Variants in AIG1 observed in about 807,000 individuals in gnomAD.
The protein encoded by AIG1 is androgen-induced gene 1 protein.
A neutral mutation model predicts 31.4 loss-of-function variants in AIG1; 23 were observed. That is an observed-to-expected ratio of 0.73 (90% CI 0.53 to 1.04). The LOEUF (loss-of-function observed/expected upper bound fraction) is 1.04, where lower values mean the gene tolerates loss of function less well. Ranked by LOEUF, AIG1 falls within the 50% of genes least tolerant of loss-of-function variation. AIG1 has a pLI of 0.00. For missense variants in AIG1, 274 were observed against 295.0 expected (o/e 0.93, Z 0.52); for synonymous variants, 100 against 110.5 (o/e 0.90, Z 0.60).
At chr6:143,099,404 C>T (rs530134716) in intron 1 of AIG1, 2 of 152,248 alleles carry the variant, frequency 1.3e-5, no homozygotes, top group South Asian at 2.1e-4. Flanking sequence ...AAAAGTTAAC[C>T]GTGGAATAAA....
intron 1 of AIG1, among the ~76,000 whole-genome samples, chr6:143,122,239 GT>G (rs1360060422): frequency 6.6e-6 from 1 of 152,044 alleles, no homozygotes; most frequent in Non-Finnish European, 1.5e-5. Flanking sequence ...TTTTGGATTT[GT>G]TTTCTTTCTT....
At position 143,340,349 on chromosome 6, in the gene AIG1, A is replaced by G. The variant is rs989695547; in HGVS notation, c.*673A>G. The G allele has an allele frequency of 2.0e-5, 3 of 152,230 alleles. No individual in the cohort carries two copies. The highest frequency in any genetic ancestry group is 7.2e-5 in the African/African-American group (3 of 41,460). 9.4% of individuals were successfully genotyped at this position (152,230 alleles called of 1,614,324 possible). ...ATCTCAAAATCCTAACAGCATTAGT[A>G]TCTCCTTTTCATTTTTATTACCTGT... On this transcript the variant is annotated 3_prime_UTR_variant, in exon 6 of 6. Coordinates refer to ENST00000357847, the MANE Select transcript of AIG1 (RefSeq NM_016108.4).
At chr6:143,060,328 T>A (rs551039413), upstream of AIG1, among the ~76,000 whole-genome samples, 3 of 151,966 alleles carry the variant, frequency 2.0e-5, no homozygotes, top group South Asian at 6.2e-4. Context: ...TGTGCTCGGG[T>A]TTACACCCCA....
intron 3 of AIG1, among the ~76,000 whole-genome samples, chr6:143,196,853 A>C (rs1057135971): frequency 3.3e-5 from 5 of 151,988 alleles, no homozygotes; most frequent in Non-Finnish European, 7.4e-5. Flanking sequence ...AGAAAAAAAA[A>C]CTCTTCAGGA....
rs1459971958 is a variant in AIG1 at position 143,258,452 on chromosome 6, C to T, written c.400-25658C>T. On this transcript the variant is annotated intron_variant, in intron 3 of 5. Transcript: ENST00000357847. This position sits in a 1 kb window ranked among gnomAD's most constrained non-coding sequence, Gnocchi z 4.7. ...TAGCCACTGCTAACACTAAAGAGAG[C>T]AATATCTTCCATTCTTACCCATATC... 6.6e-6 allele frequency among the ~76,000 whole-genome samples: 1 copy of T among 152,196 alleles called. No individual in the cohort carries two copies. The highest frequency in any genetic ancestry group is 2.4e-5 in the African/African-American group (1 of 41,464).
intron 1 of AIG1, among the ~76,000 whole-genome samples, chr6:143,130,488 G>T (rs1034752215): frequency 1.3e-5 from 2 of 151,794 alleles, no homozygotes; most frequent in African/African-American, 4.8e-5. Context: ...AGGCTGAGGC[G>T]GGTAGATCAC....
chr6:143,261,224 C>T (rs994170069), intron 3 of AIG1, among the ~76,000 whole-genome samples: 3 of 152,262 alleles, frequency 2.0e-5, no homozygotes, highest in Non-Finnish European at 4.4e-5. Context: ...CTCCGCCTCC[C>T]GGGTTGAAGC....
At chr6:143,260,947 A>C (rs1443675303) in intron 3 of AIG1, among the ~76,000 whole-genome samples, 1 of 152,160 alleles carries the variant, frequency 6.6e-6, no homozygotes, top group East Asian at 1.9e-4. Context: ...TTAACAAACA[A>C]AAAGAATGTC....
chr6:143,125,506 A>C (rs1353155148), intron 1 of AIG1, among the ~76,000 whole-genome samples: 1 of 152,216 alleles, frequency 6.6e-6, no homozygotes, highest in Non-Finnish European at 1.5e-5. Flanking sequence ...AAAATCTTTA[A>C]GCTTGTAAGA....
chr6:143,239,195 G>C (rs1562516865), intron 3 of AIG1, among the ~76,000 whole-genome samples: 1 of 152,194 alleles, frequency 6.6e-6, no homozygotes, highest in Non-Finnish European at 1.5e-5. Context: ...GGTGATGAGG[G>C]GAGGATGTAT....
rs1337282339 is a variant in AIG1 at position 143,325,888 on chromosome 6, C to T, written c.516-7394C>T. 1.3e-5 allele frequency among the ~76,000 whole-genome samples: 2 copies of T among 152,174 alleles called. No homozygotes were observed. The highest frequency in any genetic ancestry group is 2.9e-5 in the Non-Finnish European group (2 of 68,022). The stretch of plus-strand genomic sequence containing the variant: ...CTTCTGGAGGCAAGGGAGGGAATAC[C>T]TGATGTGTAACATTTGCCCATATCC... On this transcript the variant is annotated intron_variant, in intron 4 of 5. Coordinates refer to ENST00000357847, the MANE Select transcript of AIG1 (RefSeq NM_016108.4). The surrounding 1 kb of genome is among the most constrained non-coding windows in gnomAD (Gnocchi z 4.3).
chr6:143,076,161 G>A (rs1056611922), intron 1 of AIG1, among the ~76,000 whole-genome samples: 2 of 152,282 alleles, frequency 1.3e-5, no homozygotes, highest in South Asian at 4.1e-4. Flanking sequence ...AAGGAGAATC[G>A]AAGTCTCTAA....
At chr6:143,103,421 G>C (rs547169559) in intron 1 of AIG1, among the ~76,000 whole-genome samples, 1 of 150,460 alleles carries the variant, frequency 6.6e-6, no homozygotes, top group Non-Finnish European at 1.5e-5. Context: ...GTCAATGGCT[G>C]TATTTAGAAG....
Position 143,288,436 on chromosome 6 carries a change from G to A in AIG1, c.515+4211G>A, listed in dbSNP as rs1314490483. 6.6e-6 allele frequency among the ~76,000 whole-genome samples: 1 copy of A among 150,732 alleles called. No individual in the cohort carries two copies. The highest frequency in any genetic ancestry group is 1.5e-5 in the Non-Finnish European group (1 of 67,506). On this transcript the variant is annotated intron_variant, in intron 4 of 5. Coordinates refer to ENST00000357847, the MANE Select transcript of AIG1 (RefSeq NM_016108.4). This position sits in a 1 kb window ranked among gnomAD's most constrained non-coding sequence, Gnocchi z 4.4. ...TCAAGAGCAAGTAGGCCTTAGTGAA[G>A]GGGACAAAATGGATCCTGGGTGTTT...
intron 1 of AIG1, among the ~76,000 whole-genome samples, chr6:143,082,591 A>G (rs974723039): frequency 5.3e-5 from 8 of 152,134 alleles, no homozygotes; most frequent in Admixed American, 4.6e-4. Context: ...ACACAGTAAG[A>G]GCTCTTCCTT....
chr6:143,191,065 C>T (rs1380320538), intron 3 of AIG1, among the ~76,000 whole-genome samples: 1 of 151,918 alleles, frequency 6.6e-6, no homozygotes, highest in Non-Finnish European at 1.5e-5. Context: ...CCCTGGGGTT[C>T]AAAAAATGTG....
intron 1 of AIG1, among the ~76,000 whole-genome samples, chr6:143,110,867 T>G (rs1248878285): frequency 6.6e-6 from 1 of 152,176 alleles, no homozygotes; most frequent in Non-Finnish European, 1.5e-5. Context: ...CAATGCATAT[T>G]TTAAGTATCT....
intron 3 of AIG1, among the ~76,000 whole-genome samples, chr6:143,196,873 G>A (rs1025713766): frequency 2.0e-5 from 3 of 152,268 alleles, no homozygotes; most frequent in South Asian, 2.1e-4. Flanking sequence ...AGCATAAAAT[G>A]TTATTGAATT....
chr6:143,206,732 C>A (rs1005075324), intron 3 of AIG1, among the ~76,000 whole-genome samples: 2 of 151,896 alleles, frequency 1.3e-5, no homozygotes, highest in African/African-American at 2.4e-5. Context: ...TTTCTGTAAC[C>A]AAATTTTATG....
Sources: allele counts gnomAD v4.1 joint callset (sites outside exome capture counted in the v4.1 genomes callset), GRCh38; gene constraint gnomAD v4.1.1; non-coding constraint Gnocchi (gnomAD v3.1); transcripts MANE v1.5; gene names NCBI Gene and HGNC (gene_info 2026-07-23, HGNC 2026-07-21).